DPP6: variants seen among roughly 807,000 people sequenced by gnomAD.
The protein encoded by DPP6 is A-type potassium channel modulatory protein DPP6.
DPP6 carries 69 observed loss-of-function variants against 122.6 expected under a neutral mutation model. The ratio of observed to expected loss-of-function variants is 0.56; its 90% CI spans 0.46 to 0.69. DPP6 has a LOEUF of 0.69. DPP6 is among the 30% of genes least tolerant of loss of function. DPP6 has a pLI of 0.00. For synonymous variants in DPP6, 418 were observed against 433.1 expected (o/e 0.97, Z 0.43); for missense variants, 928 against 1,116.9 (o/e 0.83, Z 2.41).
the DPP6 span, among the ~76,000 whole-genome samples, chr7:153,863,181 A>G: frequency 6.6e-6 from 1 of 152,184 alleles, no homozygotes; most frequent in Non-Finnish European, 1.5e-5. Context: ...GATTTCATCA[A>G]AGCATAGCAA....
At chr7:154,263,554 A>G (rs948897006) in intron 1 of DPP6, among the ~76,000 whole-genome samples, 6 of 152,218 alleles carry the variant, frequency 3.9e-5, no homozygotes, top group African/African-American at 1.4e-4. Context: ...GGTTTCCATG[A>G]GAAGTGGGTG....
intron 1 of DPP6, among the ~76,000 whole-genome samples, chr7:153,996,875 A>T (rs927490081): frequency 2.6e-5 from 4 of 152,220 alleles, no homozygotes; most frequent in Admixed American, 2.6e-4. Flanking sequence ...GAAACCAATC[A>T]TGTCTATGTA....
chr7:153,916,864 G>C (rs1800350875), intron 1 of DPP6, among the ~76,000 whole-genome samples: 1 of 152,182 alleles, frequency 6.6e-6, no homozygotes, highest in African/African-American at 2.4e-5. Flanking sequence ...AATTTCTGGT[G>C]AGTTTTCTAT....
intron 1 of DPP6, among the ~76,000 whole-genome samples, chr7:154,191,260 G>A (rs145891691): frequency 7.1e-4 from 108 of 152,286 alleles, no homozygotes; most frequent in African/African-American, 2.5e-3. Context: ...ACATGGTCAC[G>A]GGCATCTTAA....
At chr7:153,977,897 G>A (rs1480135352) in intron 1 of DPP6, among the ~76,000 whole-genome samples, 3 of 151,992 alleles carry the variant, frequency 2.0e-5, no homozygotes, top group East Asian at 3.8e-4. Flanking sequence ...TTCTTTTTAT[G>A]GCTGCATAGT....
At chr7:154,639,629 T>C (rs987462329) in intron 6 of DPP6, among the ~76,000 whole-genome samples, 1 of 152,148 alleles carries the variant, frequency 6.6e-6, no homozygotes, top group African/African-American at 2.4e-5. Context: ...GCACAGGAGT[T>C]TGCTGAACAA....
chr7:154,122,510 T>C (rs1331187548), intron 1 of DPP6, among the ~76,000 whole-genome samples: 1 of 152,222 alleles, frequency 6.6e-6, no homozygotes, highest in African/African-American at 2.4e-5. Context: ...TCCCTATCAC[T>C]TACTAGCTGA....
chr7:154,124,781 C>A (rs140849110), intron 1 of DPP6, among the ~76,000 whole-genome samples: 1,851 of 152,202 alleles, frequency 0.012, 16 homozygotes, highest in Non-Finnish European at 0.017. Flanking sequence ...TGTGCAGGGC[C>A]GGTGAAACTG....
In DPP6 at chr7:154,755,789, C is replaced by G. The variant is rs1017359277; in HGVS notation, c.884-13628C>G. Among the ~76,000 whole-genome samples the G allele has an allele frequency of 1.3e-5, 2 of 152,210 alleles. No individual in the cohort carries two copies. Among genetic ancestry groups the G allele is most frequent in the Non-Finnish European group, 2.9e-5 (2 of 68,040 alleles). On this transcript the variant is annotated intron_variant, in intron 8 of 25. Transcript: ENST00000377770. The surrounding 1 kb of genome is among the most constrained non-coding windows in gnomAD (Gnocchi z 4.7). ...GAAAAGGTCAGGATGTTGCCGAGCC[C>G]TTGGGTTGGAAGAGGTCGGAGTGGG...
chr7:154,578,317 G>C (rs2130644988), intron 5 of DPP6, among the ~76,000 whole-genome samples: 1 of 152,332 alleles, frequency 6.6e-6, no homozygotes, highest in African/African-American at 2.4e-5. Flanking sequence ...TCCATGCACA[G>C]CATAGCAAGT....
At chr7:154,519,510 C>CA (rs1401849801) in intron 3 of DPP6, among the ~76,000 whole-genome samples, 1 of 152,234 alleles carries the variant, frequency 6.6e-6, no homozygotes, top group Non-Finnish European at 1.5e-5. Flanking sequence ...CACTCACAGA[C>CA]ATAAATGGGC....
At position 154,798,195 on chromosome 7, in the gene DPP6, G is replaced by A. The variant is rs562379584; in HGVS notation, c.1299+2312G>A. Among the ~76,000 whole-genome samples, 67 of 152,336 alleles carry A rather than the reference G, an allele frequency of 4.4e-4. 1 individual carries two copies. Among genetic ancestry groups the A allele is most frequent in the Non-Finnish European group, 8.8e-4 (60 of 68,032 alleles). ...CTGCAGTTCTGCCCTCTGGATGGAC[G>A]GCAGAGTGCATGGTCCCTGGAGGCC... On this transcript the variant is annotated intron_variant, in intron 12 of 25. Transcript: ENST00000377770.
the DPP6 span, among the ~76,000 whole-genome samples, chr7:153,755,100 C>G: frequency 1.3e-5 from 2 of 152,098 alleles, no homozygotes; most frequent in Non-Finnish European, 2.9e-5. Flanking sequence ...TTATCTTGGG[C>G]ATCATGCTTG....
At chr7:154,460,141 C>G (rs1383407705) in intron 2 of DPP6, among the ~76,000 whole-genome samples, 1 of 151,900 alleles carries the variant, frequency 6.6e-6, no homozygotes, top group East Asian at 2.0e-4. Flanking sequence ...ACCACCACAC[C>G]TGGCTAACTT....
intron 1 of DPP6, among the ~76,000 whole-genome samples, chr7:154,011,267 A>G (rs1179509087): frequency 1.3e-5 from 2 of 152,146 alleles, no homozygotes; most frequent in Non-Finnish European, 2.9e-5. Flanking sequence ...TGACTGTCCT[A>G]CTTTCTAGCA....
chr7:154,751,445 CA>C (rs36080228), intron 8 of DPP6, among the ~76,000 whole-genome samples: 29,560 of 136,738 alleles, frequency 0.22, 3,108 homozygotes, highest in African/African-American at 0.27. Context: ...CCTAAAAATA[CA>C]AAAAAAAAAA....
At chr7:154,581,209 C>T (rs931709283) in intron 5 of DPP6, among the ~76,000 whole-genome samples, 14 of 151,996 alleles carry the variant, frequency 9.2e-5, no homozygotes, top group African/African-American at 3.4e-4. Context: ...CGGATACAAG[C>T]GAGGGTAGCA....
intron 1 of DPP6, among the ~76,000 whole-genome samples, chr7:154,318,549 A>G (rs1193335561): frequency 1.3e-5 from 2 of 152,176 alleles, no homozygotes. Context: ...ACACTGATAA[A>G]ACTTCTTGGA....
chr7:154,782,618 C>T (rs2150405674), intron 10 of DPP6, among the ~76,000 whole-genome samples: 1 of 152,202 alleles, frequency 6.6e-6, no homozygotes, highest in East Asian at 1.9e-4. Context: ...TGGTCGCCCA[C>T]TGCCAGACAG....
Sources: allele counts gnomAD v4.1 joint callset (sites outside exome capture counted in the v4.1 genomes callset), GRCh38; gene constraint gnomAD v4.1.1; non-coding constraint Gnocchi (gnomAD v3.1); transcripts MANE v1.5; gene names NCBI Gene and HGNC (gene_info 2026-07-23, HGNC 2026-07-21).